Variants in TBL1X observed in about 807,000 individuals in gnomAD.
TBL1X encodes the protein F-box-like/WD repeat-containing protein TBL1X.
Under a neutral mutation model 50.7 loss-of-function variants are expected in TBL1X, and 10 were observed. The observed-to-expected ratio is 0.20, with a 90% confidence interval of 0.12 to 0.33. The LOEUF is 0.33. Among genes scored for constraint, TBL1X ranks in the 10% least tolerant of loss-of-function variants. The pLI, the probability that TBL1X is intolerant of heterozygous loss-of-function variation, is 1.00. For synonymous variants in TBL1X, 190 were observed against 214.7 expected, an observed-to-expected ratio of 0.88 and a Z score of 1.01; for missense variants, 340 against 504.4, an observed-to-expected ratio of 0.67 and a Z score of 3.12.
At chrX:9,479,541 C>T (rs2146930979) in intron 1 of TBL1X, among the ~76,000 whole-genome samples, 1 of 112,533 alleles carries the variant, frequency 8.9e-6, no homozygotes, top group South Asian at 3.6e-4. Context: ...TCACATGACT[C>T]TGATCTTTCA....
At chrX:9,694,560 G>GC (rs200608097) in intron 11 of TBL1X, among the ~76,000 whole-genome samples, 1,255 of 111,990 alleles carry the variant, frequency 0.011, 20 homozygotes, top group African/African-American at 0.036. Flanking sequence ...TTGCGCCTCT[G>GC]CACTCCAGCC....
chrX:9,539,057 A>T (rs1005389578), intron 2 of TBL1X, among the ~76,000 whole-genome samples: 2 of 112,340 alleles, frequency 1.8e-5, no homozygotes, highest in Non-Finnish European at 3.8e-5. Flanking sequence ...AGAGGAGGGG[A>T]TGACAATCTT....
intron 2 of TBL1X, among the ~76,000 whole-genome samples, chrX:9,533,970 G>A (rs898144974): frequency 4.5e-5 from 5 of 111,550 alleles, no homozygotes; most frequent in Non-Finnish European, 9.4e-5. Flanking sequence ...CCGGCTTGCC[G>A]TGCCCAGTGC....
At chrX:9,670,226 C>A (rs748572313) in intron 5 of TBL1X, among the ~76,000 whole-genome samples, 1 of 111,081 alleles carries the variant, frequency 9.0e-6, no homozygotes, top group Non-Finnish European at 1.9e-5. Flanking sequence ...TTCAGGTGTT[C>A]GCATTTCTGA....
chrX:9,563,693 A>G (rs1324090852), intron 2 of TBL1X, among the ~76,000 whole-genome samples: 1 of 112,674 alleles, frequency 8.9e-6, no homozygotes. Context: ...CAGTAGCCAC[A>G]TGTGGCCAGT....
chrX:9,541,521 G>A (rs1244344140), intron 2 of TBL1X, among the ~76,000 whole-genome samples: 7 of 112,372 alleles, frequency 6.2e-5, no homozygotes, highest in Non-Finnish European at 1.1e-4. Context: ...TTGCAGAGAT[G>A]AGAAACAAAA....
At chrX:9,533,298 C>T (rs1489477487) in intron 2 of TBL1X, among the ~76,000 whole-genome samples, 1 of 111,356 alleles carries the variant, frequency 9.0e-6, no homozygotes, top group Non-Finnish European at 1.9e-5. Flanking sequence ...TGCTTGCTTT[C>T]CGCACCCTTC....
intron 2 of TBL1X, among the ~76,000 whole-genome samples, chrX:9,619,873 C>T (rs1157925991): frequency 1.8e-5 from 2 of 112,205 alleles, no homozygotes; most frequent in African/African-American, 6.5e-5. Context: ...CTCAGGTTTG[C>T]TCCCTGCTGC....
Position 9,684,271 on chromosome X carries a change from C to T in TBL1X, c.357+83C>T. 2.6e-6 allele frequency: 3 copies of T among 1,133,596 alleles called. No individual in the cohort carries two copies. In the South Asian group the frequency reaches 5.9e-5, roughly 22 times the overall value. 93.4% of individuals were successfully genotyped at this position (1,133,596 alleles called of 1,213,427 possible). On this transcript the variant is annotated intron_variant, in intron 6 of 17. Coordinates refer to ENST00000645353, the MANE Select transcript of TBL1X (RefSeq NM_005647.4). ...TTGGAACACATTGGAAGCTAACATG[C>T]ATTTCCCTCAGGCATTTGGGATTAA... is the stretch of plus-strand genomic sequence containing the variant.
intron 1 of TBL1X, among the ~76,000 whole-genome samples, chrX:9,497,765 C>T (rs57958054): frequency 7.4e-5 from 4 of 53,758 alleles, no homozygotes; most frequent in Admixed American, 7.3e-4. Context: ...TCCCTCCCTC[C>T]CTCCCTCCCT....
intron 16 of TBL1X, among the ~76,000 whole-genome samples, chrX:9,713,506 C>T (rs930517189): frequency 2.0e-5 from 2 of 102,429 alleles, no homozygotes; most frequent in Non-Finnish European, 3.9e-5. Context: ...CGGCCCACTG[C>T]GACCTCTGCC....
intron 6 of TBL1X, among the ~76,000 whole-genome samples, chrX:9,687,191 T>C (rs955756591): frequency 9.0e-6 from 1 of 111,017 alleles, no homozygotes; most frequent in Non-Finnish European, 1.9e-5. Flanking sequence ...GTGGAAAGTT[T>C]TCCATGGTAA....
At chrX:9,532,008 TTACAGGTGTGAGCCACCACAC>T (rs1242861958) in intron 2 of TBL1X, among the ~76,000 whole-genome samples, 1 of 111,750 alleles carries the variant, frequency 8.9e-6, no homozygotes, top group Non-Finnish European at 1.9e-5. Flanking sequence ...AGTGCTGGGA[TTACAGGTGTGAGCCACCACAC>T]TGGGGCGCAA....
intron 1 of TBL1X, among the ~76,000 whole-genome samples, chrX:9,496,178 G>A (rs1449767354): frequency 2.7e-5 from 3 of 112,210 alleles, no homozygotes; most frequent in African/African-American, 6.5e-5. Context: ...AGGAGTCAGG[G>A]TACAAGTGTT....
Position 9,562,527 on chromosome X carries a change from C to G in TBL1X, c.-131+60678C>G, listed in dbSNP as rs375283630. Among the ~76,000 whole-genome samples the G allele has an allele frequency of 9.0e-5, 10 of 111,471 alleles. No homozygotes were observed. In the East Asian group the frequency reaches 1.7e-3, roughly 19 times the overall value. On this transcript the variant is annotated intron_variant, in intron 2 of 17. Coordinates refer to ENST00000645353, the MANE Select transcript of TBL1X (RefSeq NM_005647.4). ...TCAAGTTTGTGTGACTTTAATGTCT[C>G]TTTTTCTCCTTATTTCAGTGGCTCA...
chrX:9,681,957 A>G (rs191952941), intron 5 of TBL1X, among the ~76,000 whole-genome samples: 1 of 112,790 alleles, frequency 8.9e-6, no homozygotes, highest in African/African-American at 3.2e-5. Context: ...ATCAGCCGTG[A>G]GAGTCATGAT....
chrX:9,643,771 G>A (rs968031757), intron 3 of TBL1X, among the ~76,000 whole-genome samples: 1 of 111,884 alleles, frequency 8.9e-6, no homozygotes. Context: ...TGAGGCAGGA[G>A]AATCACTTGG....
intron 2 of TBL1X, among the ~76,000 whole-genome samples, chrX:9,581,465 G>C (rs1048530173): frequency 9.0e-6 from 1 of 111,390 alleles, no homozygotes; most frequent in Non-Finnish European, 1.9e-5. Context: ...CTCACCAGTG[G>C]GGGGATTGGG....
intron 1 of TBL1X, among the ~76,000 whole-genome samples, chrX:9,495,186 A>T (rs1035370441): frequency 4.5e-5 from 5 of 110,789 alleles, no homozygotes; most frequent in African/African-American, 1.6e-4. Flanking sequence ...ATCAAATTTC[A>T]CCTGCATAAA....
Sources: allele counts gnomAD v4.1 joint callset (sites outside exome capture counted in the v4.1 genomes callset), GRCh38; gene constraint gnomAD v4.1.1; transcripts MANE v1.5; gene names NCBI Gene and HGNC (gene_info 2026-07-23, HGNC 2026-07-21).